ANGPTL7: variants seen among roughly 807,000 people sequenced by gnomAD.
The protein encoded by ANGPTL7 is angiopoietin-related protein 7.
A neutral mutation model predicts 38.8 loss-of-function variants in ANGPTL7; 37 were observed. The observed-to-expected ratio is 0.95, with a 90% CI of 0.73 to 1.25. ANGPTL7 has a LOEUF of 1.25. Among genes scored for constraint, ANGPTL7 ranks in the 50% most tolerant of loss-of-function variants. The pLI, the probability that ANGPTL7 is intolerant of heterozygous loss-of-function variation, is 0.00. For synonymous variants in ANGPTL7, 166 were observed against 163.2 expected (o/e 1.02, Z -0.13); for missense variants, 427 against 438.6 (o/e 0.97, Z 0.24).
rs12122575 is a variant in ANGPTL7, at chr1:11,193,787, C to T, written c.672+13C>T. On this transcript the variant is annotated intron_variant, in intron 3 of 4. Transcript: ENST00000376819. ...TGTAGAGATGGAGGTAAGCACAAGG[C>T]CAGGGGCCCCATGACTGGACCAGTG... 0.037 allele frequency: 59,822 copies of T among 1,613,320 alleles called. 1,979 individuals carry two copies. The highest frequency in any genetic ancestry group is 0.11 in the South Asian group (10,222 of 91,008).
In ANGPTL7 at chr1:11,194,484, C is replaced by G. The variant is rs771348183; in HGVS notation, c.696C>G (p.Tyr232Ter). The change falls in exon 4 of 5, where the codon TAC (tyrosine) becomes TAG (stop). Residue 232 changes from tyrosine to a stop codon, truncating the protein, a stop_gained. Transcript: ENST00000376819. LOFTEE classifies it high-confidence loss of function. ...AGGACTGGGAGGGCAACCTGCGCTA[C>G]GCTGAGTATAGCCACTTTGTTTTGG... The part of the protein sequence containing the change: ...EMEDWEGNLR[Y>*]AEYSHFVLGN... 6.2e-7 allele frequency: 1 copy of G among 1,614,170 alleles called. No homozygotes were observed.
chr1:11,189,878 G>T lies in ANGPTL7; in HGVS notation c.299G>T (p.Ser100Ile), dbSNP rs143359087. 3.8e-5 allele frequency: 62 copies of T among 1,614,076 alleles called. No individual in the cohort carries two copies. In the African/African-American group the frequency reaches 4.7e-4, roughly 12 times the overall value. Reference protein sequence around the residue: ...RMESRLTDAESKYSEMNNQID... With the variant: ...RMESRLTDAEIKYSEMNNQID... The stretch of plus-strand genomic sequence containing the variant: ...GAGTCGCGGCTCACAGATGCTGAGA[G>T]CAAGTACTCCGAGATGAACAACCAA... Residue 100 changes from serine to isoleucine, a missense_variant, in exon 1 of 5, where the codon AGC becomes ATC. Physicochemically the swap from Ser to Ile is moderately radical, Grantham distance 142 (BLOSUM62 -2). Coordinates refer to ENST00000376819, the MANE Select transcript of ANGPTL7 (RefSeq NM_021146.4).
intron 2 of ANGPTL7, 25 bp downstream of exon 2, chr1:11,192,395 A>G (rs1645576138): frequency 1.3e-6 from 2 of 1,548,318 alleles, no homozygotes; most frequent in East Asian, 2.2e-5. Context: ...GTCACTGGCC[A>G]TGCCCTAATA....
chr1:11,192,311 C>A lies in ANGPTL7; in HGVS notation c.418C>A (p.Arg140Ser). Residue 140 changes from arginine to serine, a missense_variant, in exon 2 of 5, where the codon CGC becomes AGC. Physicochemically the swap from Arg to Ser is moderately radical, Grantham distance 110. Coordinates refer to ENST00000376819, the MANE Select transcript of ANGPTL7 (RefSeq NM_021146.4). ...DCSSLYQKNY[R>S]ISGVYKLPPD... ...CTCTTCCCTCTACCAGAAGAACTAC[C>A]GCATCTCTGGAGTGTATAAGCTTCC... 1.2e-6 allele frequency: 2 copies of A among 1,614,008 alleles called. No individual in the cohort carries two copies.
At position 11,195,307 on chromosome 1, in the gene ANGPTL7, T is replaced by A; in HGVS notation, c.*284T>A. ...CCAAGATCCCTGACATAGCAGTAGC[T>A]TGTCTTTTCCACATGATTTGTCTGT... On this transcript the variant is annotated 3_prime_UTR_variant, in exon 5 of 5. Coordinates refer to ENST00000376819, the MANE Select transcript of ANGPTL7 (RefSeq NM_021146.4). The A allele has an allele frequency of 3.0e-6, 1 of 330,324 alleles. No individual in the cohort carries two copies. Among genetic ancestry groups the A allele is most frequent in the Non-Finnish European group, 5.5e-6 (1 of 181,176 alleles). The allele number at this position is 330,324 out of a possible 1,614,324, so 20.5% of individuals were successfully genotyped here. A position where few individuals can be genotyped will look rare whatever the true frequency, so the allele number is the denominator to read the frequency against.
At chr1:11,190,750 T>C (rs1389272823) in intron 1 of ANGPTL7, among the ~76,000 whole-genome samples, 2 of 152,158 alleles carry the variant, frequency 1.3e-5, no homozygotes, top group Admixed American at 1.3e-4. Context: ...TTTCTGAAAT[T>C]ATCAGGAAAA....
chr1:11,192,438 A>T, intron 2 of ANGPTL7, 68 bp downstream of exon 2: 1 of 1,303,308 alleles, frequency 7.7e-7, no homozygotes. Context: ...GGACTACAAC[A>T]ACAGGGCCAT....
intron 1 of ANGPTL7, among the ~76,000 whole-genome samples, 185 bp from the exon 2 acceptor site, chr1:11,192,085 G>A (rs1454204748): frequency 1.3e-5 from 2 of 152,002 alleles, no homozygotes; most frequent in African/African-American, 4.8e-5. Context: ...CTGCTCCACC[G>A]CTAGTAAAGC....
At position 11,189,856 on chromosome 1, in the gene ANGPTL7, T is replaced by A; in HGVS notation, c.277T>A (p.Ser93Thr). Residue 93 changes from serine (S) to threonine (T), a missense_variant, in exon 1 of 5, where the codon TCG (serine) becomes ACG (threonine). Transcript: ENST00000376819. ...ELESNSKRME[S>T]RLTDAESKYS... ...GGAGAGCAACAGCAAGCGCATGGAG[T>A]CGCGGCTCACAGATGCTGAGAGCAA... The A allele has an allele frequency of 6.2e-7, 1 of 1,613,628 alleles. No individual in the cohort carries two copies. Among genetic ancestry groups the A allele is most frequent in the Non-Finnish European group, 8.5e-7 (1 of 1,179,906 alleles).
rs2100731529 is a variant in ANGPTL7 at position 11,195,854 on chromosome 1, A to C, written c.*831A>C. On this transcript the variant is annotated 3_prime_UTR_variant, in exon 5 of 5. Transcript: ENST00000376819. ...TAGGAAATGGTTGAAAACTGAAGGT[A>C]GATGGTGTTATAGTTAATAATAAAT... 6.6e-6 allele frequency: 1 copy of C among 152,470 alleles called. No homozygotes were observed. The highest frequency in any genetic ancestry group is 3.4e-3 in the Middle Eastern group (1 of 294). The allele number at this position is 152,470 out of a possible 1,614,324, so 9.4% of individuals were successfully genotyped here.
chr1:11,190,583 C>T (rs950837517), intron 1 of ANGPTL7, among the ~76,000 whole-genome samples: 1 of 152,070 alleles, frequency 6.6e-6, no homozygotes, highest in Admixed American at 6.6e-5. Flanking sequence ...TGAATTTCTC[C>T]GAATACAGGA....
At position 11,193,839 on chromosome 1, in the gene ANGPTL7, C is replaced by T. The variant is rs138148169; in HGVS notation, c.672+65C>T. On this transcript the variant is annotated intron_variant, in intron 3 of 4. Transcript: ENST00000376819. Reference sequence around the variant, plus strand: ...CACCACACATGACCGCGTACAACTCCGGGGGTGCCATTCCTATTCTGATTC... The same window carrying T: ...CACCACACATGACCGCGTACAACTCTGGGGGTGCCATTCCTATTCTGATTC... 6.6e-5 allele frequency: 98 copies of T among 1,494,552 alleles called. 1 individual carries two copies. Among genetic ancestry groups the T allele is most frequent in the South Asian group, 4.1e-4 (35 of 84,814 alleles). 92.6% of individuals were successfully genotyped at this position (1,494,552 alleles called of 1,614,324 possible). A position where few individuals can be genotyped will look rare whatever the true frequency, so the allele number is the denominator to read the frequency against.
intron 3 of ANGPTL7, 56 bp from the exon 4 acceptor site, chr1:11,194,405 G>A: frequency 6.5e-7 from 1 of 1,547,110 alleles, no homozygotes. Context: ...GGGGTATAGA[G>A]ACAGCATGAA....
rs760193740 is a variant in ANGPTL7, at chr1:11,189,924, G to C, written c.345G>C (p.Gln115His). 1.9e-6 allele frequency: 3 copies of C among 1,613,410 alleles called. No homozygotes were observed. In the South Asian group the frequency reaches 3.3e-5, roughly 18 times the overall value. ...MNNQIDIMQL[Q>H]AAQTVTQTSA... ...ACCAAATTGACATCATGCAGCTGCA[G>C]GCAGCACAGACGGTCACTCAGACCT... The change falls in exon 1 of 5, where the codon CAG becomes CAC. Residue 115 changes from glutamine (Q) to histidine (H), a missense_variant. By Grantham distance (24) the Gln-to-His change is conservative. Coordinates refer to ENST00000376819, the MANE Select transcript of ANGPTL7 (RefSeq NM_021146.4).
intron 1 of ANGPTL7, among the ~76,000 whole-genome samples, chr1:11,190,817 C>G (rs1416330481): frequency 6.6e-6 from 1 of 152,126 alleles, no homozygotes; most frequent in Non-Finnish European, 1.5e-5. Flanking sequence ...ATATAAAAAC[C>G]ATTGGTCCCA....
intron 1 of ANGPTL7, among the ~76,000 whole-genome samples, chr1:11,191,590 A>G (rs1473349398): frequency 2.6e-5 from 4 of 152,236 alleles, no homozygotes; most frequent in Non-Finnish European, 5.9e-5. Flanking sequence ...TTTAGAATAC[A>G]GAGCTTAAAT....
rs1250068247 is a variant in ANGPTL7, at chr1:11,189,517, C to CCT, written c.-61_-60dup. On this transcript the variant is annotated 5_prime_UTR_variant, in exon 1 of 5. Transcript: ENST00000376819. ...AGTCAGCCTGCTGCAGCTTTGCAGA[C>CCT]CTCAGCTGGGCATCTCCAGACTCCC... 6.6e-7 allele frequency: 1 copy of CCT among 1,520,544 alleles called. No homozygotes were observed. The highest frequency in any genetic ancestry group is 1.4e-5 in the African/African-American group (1 of 71,082). The allele number at this position is 1,520,544 out of a possible 1,614,324, so 94.2% of individuals were successfully genotyped here.
Position 11,192,386 on chromosome 1 carries a change from T to G in ANGPTL7, c.477+16T>G. Reference sequence around the variant, plus strand: ...TGAACTGGAGGTGAGGTCATTACAGTCACTGGCCATGCCCTAATACCTGTC... The same window carrying G: ...TGAACTGGAGGTGAGGTCATTACAGGCACTGGCCATGCCCTAATACCTGTC... On this transcript the variant is annotated intron_variant, in intron 2 of 4. Coordinates refer to ENST00000376819, the MANE Select transcript of ANGPTL7 (RefSeq NM_021146.4). The G allele has an allele frequency of 6.3e-7, 1 of 1,576,610 alleles. No individual in the cohort carries two copies. Among genetic ancestry groups the G allele is most frequent in the Non-Finnish European group, 8.7e-7 (1 of 1,146,354 alleles).
chr1:11,189,602 C>T lies in ANGPTL7; in HGVS notation c.23C>T (p.Ala8Val). 1 of 1,611,772 alleles carries T rather than the reference C, an allele frequency of 6.2e-7. No homozygotes were observed. The highest frequency in any genetic ancestry group is 2.2e-5 in the East Asian group (1 of 44,854). MLKKPLS[A>V]VTWLCIFIVA... Reference sequence around the variant, plus strand: ...AAGATGCTGAAAAAGCCTCTCTCAGCTGTGACCTGGCTCTGCATTTTCATC... The same window carrying T: ...AAGATGCTGAAAAAGCCTCTCTCAGTTGTGACCTGGCTCTGCATTTTCATC... Residue 8 changes from alanine to valine, a missense_variant, in exon 1 of 5, where the codon GCT becomes GTT. Physicochemically the swap from Ala to Val is moderately conservative, Grantham distance 64 (BLOSUM62 0). Coordinates refer to ENST00000376819, the MANE Select transcript of ANGPTL7 (RefSeq NM_021146.4).
Sources: allele counts gnomAD v4.1 joint callset (sites outside exome capture counted in the v4.1 genomes callset), GRCh38; gene constraint gnomAD v4.1.1; transcripts MANE v1.5; gene names NCBI Gene and HGNC (gene_info 2026-07-23, HGNC 2026-07-21).